Variants in LRRC37A2 observed in about 807,000 individuals in gnomAD.
LRRC37A2 encodes leucine-rich repeat-containing protein 37A2.
In LRRC37A2, 9 loss-of-function variants were observed where a neutral mutation model predicts 68.8. The ratio of observed to expected loss-of-function variants is 0.13; its 90% CI spans 0.08 to 0.23. The LOEUF is 0.23. LRRC37A2 is among the 10% of genes least tolerant of loss of function. The pLI is 1.00. For synonymous variants in LRRC37A2, 63 were observed against 367.6 expected (o/e 0.17, Z 9.48); for missense variants, 168 against 950.4 (o/e 0.18, Z 10.82).
the LRRC37A2 span, chr17:46,885,218 C>A: frequency 3.2e-6 from 1 of 308,052 alleles, no homozygotes; most frequent in South Asian, 2.5e-5. Flanking sequence ...GTTGGTCAGG[C>A]TGGTCTCGAA....
the LRRC37A2 span, among the ~76,000 whole-genome samples, chr17:46,957,864 C>T: frequency 6.6e-6 from 1 of 152,152 alleles, no homozygotes; most frequent in Admixed American, 6.5e-5. Context: ...GGAGGATGAG[C>T]ACTCAGGGGA....
chr17:46,529,445 G>A (rs2053324608), intron 6 of LRRC37A2, among the ~76,000 whole-genome samples: 1 of 107,606 alleles, frequency 9.3e-6, no homozygotes, highest in Non-Finnish European at 2.1e-5. Flanking sequence ...GGGAGTCAGT[G>A]CACCTTAGTT....
At chr17:46,936,082 A>G in the LRRC37A2 span, 1 of 985,810 alleles carries the variant, frequency 1.0e-6, no homozygotes, top group African/African-American at 1.7e-5. Context: ...GGCAAGCTGC[A>G]AGTGACACTC....
At chr17:46,980,383 CT>C in the LRRC37A2 span, among the ~76,000 whole-genome samples, 293 of 145,700 alleles carry the variant, frequency 2.0e-3, no homozygotes, top group African/African-American at 5.9e-3. Context: ...TCTTTCTCTT[CT>C]TTCTTTCTCT....
chr17:46,901,474 G>A, the LRRC37A2 span, among the ~76,000 whole-genome samples: 1 of 152,100 alleles, frequency 6.6e-6, no homozygotes, highest in African/African-American at 2.4e-5. Context: ...CACGTTTAAA[G>A]AACAGCAAGA....
the LRRC37A2 span, among the ~76,000 whole-genome samples, chr17:46,946,457 G>C: frequency 3.3e-5 from 3 of 89,868 alleles, no homozygotes; most frequent in South Asian, 8.5e-4. Flanking sequence ...GCAAAACTCC[G>C]TCTCAAAAAA....
At chr17:46,810,493 C>T in the LRRC37A2 span, among the ~76,000 whole-genome samples, 5 of 152,174 alleles carry the variant, frequency 3.3e-5, no homozygotes, top group Non-Finnish European at 7.3e-5. Flanking sequence ...CGGGGCATGC[C>T]CACAAAGATT....
the LRRC37A2 span, among the ~76,000 whole-genome samples, chr17:46,821,512 G>C: frequency 1.3e-5 from 2 of 152,170 alleles, no homozygotes; most frequent in Non-Finnish European, 2.9e-5. Flanking sequence ...CCAAGCCCCA[G>C]GGTGGTTTCA....
At chr17:46,804,058 T>C in the LRRC37A2 span, among the ~76,000 whole-genome samples, 3 of 151,972 alleles carry the variant, frequency 2.0e-5, no homozygotes, top group Non-Finnish European at 2.9e-5. Context: ...TGTCTTCTCC[T>C]TGACCTTGAT....
At chr17:46,806,668 CA>C in the LRRC37A2 span, among the ~76,000 whole-genome samples, 1 of 152,236 alleles carries the variant, frequency 6.6e-6, no homozygotes. Context: ...GATGGAGAAC[CA>C]CCCAGCCTGA....
chr17:46,707,250 T>C, the LRRC37A2 span, among the ~76,000 whole-genome samples: 2 of 152,240 alleles, frequency 1.3e-5, no homozygotes, highest in African/African-American at 2.4e-5. Flanking sequence ...TTTCTCCATA[T>C]GTTAATTGAC....
At chr17:46,875,429 C>T in the LRRC37A2 span, 1 of 1,492,326 alleles carries the variant, frequency 6.7e-7, no homozygotes, top group Non-Finnish European at 8.9e-7. Flanking sequence ...GGGAGCATGG[C>T]TTGAAGGAGG....
the LRRC37A2 span, among the ~76,000 whole-genome samples, chr17:46,788,698 A>T: frequency 6.6e-6 from 1 of 152,102 alleles, no homozygotes; most frequent in African/African-American, 2.4e-5. Context: ...ACTCGTTTCC[A>T]TGTAGAATCT....
the LRRC37A2 span, among the ~76,000 whole-genome samples, chr17:46,953,616 TCG>T: frequency 6.6e-6 from 1 of 152,202 alleles, no homozygotes; most frequent in Non-Finnish European, 1.5e-5. Flanking sequence ...CCCTGAGGAA[TCG>T]CCACACTGAC....
chr17:46,753,430 C>G, the LRRC37A2 span, among the ~76,000 whole-genome samples: 4 of 152,068 alleles, frequency 2.6e-5, no homozygotes, highest in South Asian at 4.1e-4. Context: ...TTCAGATGGA[C>G]TATTTTTAAG....
chr17:46,901,438 G>C, the LRRC37A2 span, among the ~76,000 whole-genome samples: 3 of 151,964 alleles, frequency 2.0e-5, no homozygotes, highest in South Asian at 2.1e-4. Context: ...CTGGGATTAC[G>C]GCATGAGCCA....
the LRRC37A2 span, among the ~76,000 whole-genome samples, chr17:46,634,161 G>A: frequency 6.0e-5 from 1 of 16,744 alleles, no homozygotes; most frequent in Non-Finnish European, 1.1e-4. Context: ...ATGAGCCACC[G>A]TGCCTGGCCA....
the LRRC37A2 span, chr17:46,932,068 C>A: frequency 1.2e-6 from 2 of 1,613,146 alleles, no homozygotes; most frequent in Admixed American, 1.7e-5. Flanking sequence ...CAATTCCAGT[C>A]GGGTTGACCA....
At chr17:46,922,649 T>G in the LRRC37A2 span, among the ~76,000 whole-genome samples, 1 of 152,046 alleles carries the variant, frequency 6.6e-6, no homozygotes, top group Non-Finnish European at 1.5e-5. Flanking sequence ...AACCACTCAT[T>G]CAATGTAGGT....
Sources: allele counts gnomAD v4.1 joint callset (sites outside exome capture counted in the v4.1 genomes callset), GRCh38; gene constraint gnomAD v4.1.1; transcripts MANE v1.5; gene names NCBI Gene and HGNC (gene_info 2026-07-23, HGNC 2026-07-21).